RANBP17: variants seen among roughly 807,000 people sequenced by gnomAD.
The protein encoded by RANBP17 is RAN binding protein 17, also known as ran-binding protein 17.
A neutral mutation model predicts 141.2 loss-of-function variants in RANBP17; 158 were observed. That is an observed-to-expected ratio of 1.12 (90% CI 0.98 to 1.28). The LOEUF (loss-of-function observed/expected upper bound fraction) is 1.28. Ranked by LOEUF, RANBP17 falls within the 50% of genes most tolerant of loss-of-function variation. The pLI is 0.00. For synonymous variants in RANBP17, 430 were observed against 450.0 expected (o/e 0.96, Z 0.56); for missense variants, 1,438 against 1,290.7 (o/e 1.11, Z -1.75).
At chr5:171,117,165 G>A (rs1349342378) in intron 14 of RANBP17, among the ~76,000 whole-genome samples, 1 of 152,126 alleles carries the variant, frequency 6.6e-6, no homozygotes. Flanking sequence ...TTGATATACT[G>A]ATATCTTTCC....
chr5:171,235,123 C>T (rs1450067635), intron 22 of RANBP17, among the ~76,000 whole-genome samples: 4 of 152,092 alleles, frequency 2.6e-5, no homozygotes, highest in African/African-American at 9.7e-5. Flanking sequence ...TATGACCTAT[C>T]GAAAGCTGCC....
At chr5:171,120,077 T>C (rs1199406659) in intron 14 of RANBP17, among the ~76,000 whole-genome samples, 3 of 151,076 alleles carry the variant, frequency 2.0e-5, no homozygotes, top group Non-Finnish European at 4.4e-5. Flanking sequence ...GGTACCACCT[T>C]GATGGTCTTG....
At chr5:171,013,809 G>A (rs1421836214) in intron 14 of RANBP17, among the ~76,000 whole-genome samples, 1 of 151,968 alleles carries the variant, frequency 6.6e-6, no homozygotes, top group Admixed American at 6.6e-5. Context: ...AGAAGAGTAT[G>A]GTGTTTATTG....
intron 12 of RANBP17, among the ~76,000 whole-genome samples, chr5:170,931,190 T>TG (rs1473750563): frequency 6.6e-6 from 1 of 152,282 alleles, no homozygotes; most frequent in Non-Finnish European, 1.5e-5. Context: ...CATATGTCTG[T>TG]TGGCTGCATA....
chr5:170,930,722 C>T (rs193169881), intron 12 of RANBP17, among the ~76,000 whole-genome samples: 1 of 152,174 alleles, frequency 6.6e-6, no homozygotes, highest in African/African-American at 2.4e-5. Flanking sequence ...CATCCATGTC[C>T]CTATAAAGGA....
chr5:171,181,408 G>A (rs1257938888), intron 16 of RANBP17, among the ~76,000 whole-genome samples: 4 of 151,688 alleles, frequency 2.6e-5, no homozygotes, highest in South Asian at 4.2e-4. Flanking sequence ...CTGAGATCAC[G>A]CCACTGCACT....
chr5:171,069,146 C>T lies in RANBP17; in HGVS notation c.1710+100769C>T, dbSNP rs2127689143. On this transcript the variant is annotated intron_variant, in intron 14 of 27. Coordinates refer to ENST00000523189, the MANE Select transcript of RANBP17 (RefSeq NM_022897.5). ...TTCTTTAAATTATTTCAACAGAGGC[C>T]TCCAGGAAATCTACTTCTACTTGAG... is the stretch of plus-strand genomic sequence containing the variant. Among the ~76,000 whole-genome samples the T allele has an allele frequency of 4.6e-5, 7 of 152,250 alleles. No individual in the cohort carries two copies. In the South Asian group the frequency reaches 1.5e-3, roughly 32 times the overall value.
At chr5:170,866,856 C>T (rs912908429) in intron 1 of RANBP17, 1 of 152,254 alleles carries the variant, frequency 6.6e-6, no homozygotes, top group African/African-American at 2.4e-5. Context: ...TGGTGTGTGC[C>T]TGTAGTCCCA....
intron 3 of RANBP17, among the ~76,000 whole-genome samples, chr5:170,883,185 C>G (rs1274195381): frequency 6.6e-6 from 1 of 152,176 alleles, no homozygotes; most frequent in Non-Finnish European, 1.5e-5. Flanking sequence ...AAGGAGTTTA[C>G]AGTTTTAAAA....
At chr5:170,918,615 A>G (rs1202005636) in intron 9 of RANBP17, 98 bp from the exon 10 acceptor site, 4 of 943,184 alleles carry the variant, frequency 4.2e-6, no homozygotes, top group Non-Finnish European at 6.0e-6. Context: ...TTAAGTACTC[A>G]TGAAAATTGG....
chr5:171,170,002 C>T, intron 14 of RANBP17, 128 bp from the exon 15 acceptor site: 1 of 434,972 alleles, frequency 2.3e-6, no homozygotes, highest in Non-Finnish European at 4.1e-6. Flanking sequence ...TTCCTTTGCT[C>T]TCCCACCCAC....
At position 171,241,087 on chromosome 5, in the gene RANBP17, A is replaced by G. The variant is rs139800590; in HGVS notation, c.2582A>G (p.Asn861Ser). The G allele has an allele frequency of 1.1e-4, 185 of 1,613,748 alleles. No individual in the cohort carries two copies. The highest frequency in any genetic ancestry group is 8.0e-4 in the Admixed American group (48 of 59,962). The change falls in exon 23 of 28, where the codon AAT (asparagine) becomes AGT (serine). Residue 861 changes from asparagine to serine, a missense_variant. Physicochemically the swap from Asn to Ser is conservative, Grantham distance 46. Coordinates refer to ENST00000523189, the MANE Select transcript of RANBP17 (RefSeq NM_022897.5). ...TTGTATGGGGACAACCATTTTGACA[A>G]TGTACTCCAGGCTTTTGTCAAAATG... The part of the protein sequence containing the change: ...FKLYGDNHFD[N>S]VLQAFVKMLL...
At chr5:171,045,674 A>G (rs765808342) in intron 14 of RANBP17, among the ~76,000 whole-genome samples, 1 of 152,206 alleles carries the variant, frequency 6.6e-6, no homozygotes, top group Non-Finnish European at 1.5e-5. Context: ...ACAGTATGCA[A>G]TGTAAATCAT....
chr5:170,934,939 T>C lies in RANBP17; in HGVS notation c.1468+10389T>C, dbSNP rs534938125. Among the ~76,000 whole-genome samples the C allele has an allele frequency of 7.0e-3, 1,060 of 152,322 alleles. 5 individuals are homozygous for C. The highest frequency in any genetic ancestry group is 0.011 in the Non-Finnish European group (722 of 68,022). ...CCATTCTCCCTGTCACTTTCAGGTA[T>C]ACCAGTCAGACGTAGATTTGGTCTT... On this transcript the variant is annotated intron_variant, in intron 12 of 27. Coordinates refer to ENST00000523189, the MANE Select transcript of RANBP17 (RefSeq NM_022897.5).
chr5:171,210,291 A>G (rs1292150772), intron 20 of RANBP17, among the ~76,000 whole-genome samples: 2 of 151,878 alleles, frequency 1.3e-5, no homozygotes, highest in Admixed American at 6.6e-5. Flanking sequence ...TAACCTCTCT[A>G]TTGTGCTTTC....
At chr5:171,202,357 G>A (rs769105316) in intron 19 of RANBP17, among the ~76,000 whole-genome samples, 14 of 152,136 alleles carry the variant, frequency 9.2e-5, no homozygotes, top group African/African-American at 2.2e-4. Context: ...CTCGTGCATC[G>A]TTTTTGATTT....
chr5:171,166,407 A>T (rs1158909236), intron 14 of RANBP17, among the ~76,000 whole-genome samples: 2 of 149,762 alleles, frequency 1.3e-5, no homozygotes, highest in East Asian at 1.9e-4. Flanking sequence ...GAGACAAGGA[A>T]TCTGTGGACT....
At chr5:171,075,173 A>G (rs1038777412) in intron 14 of RANBP17, among the ~76,000 whole-genome samples, 3 of 152,246 alleles carry the variant, frequency 2.0e-5, no homozygotes, top group African/African-American at 7.2e-5. Flanking sequence ...TAGCAGGGAC[A>G]GGATTTAAAT....
chr5:170,886,260 A>G (rs3909336), intron 3 of RANBP17, among the ~76,000 whole-genome samples: 91,388 of 151,980 alleles, frequency 0.6, 29,173 homozygotes, highest in South Asian at 0.88. Flanking sequence ...CCAATATGAA[A>G]AGAACTTTAA....
Sources: gnomAD v4.1 joint callset for allele counts (sites outside exome capture counted in the v4.1 genomes callset) on GRCh38, gnomAD v4.1.1 for gene constraint, MANE v1.5 for transcripts, NCBI Gene and HGNC (gene_info 2026-07-23, HGNC 2026-07-21) for gene names.